Variants in OPHN1 observed in about 807,000 individuals in gnomAD.
OPHN1 encodes oligophrenin-1.
A neutral mutation model predicts 60.7 loss-of-function variants in OPHN1; 11 were observed. The ratio of observed to expected loss-of-function variants is 0.18; its 90% CI spans 0.11 to 0.30. The LOEUF is 0.30. Ranked by LOEUF, OPHN1 falls within the 10% of genes least tolerant of loss-of-function variation. The pLI, the probability that OPHN1 is intolerant of heterozygous loss-of-function variation, is 1.00. For missense variants in OPHN1, 449 were observed against 611.0 expected (o/e 0.73, Z 2.80); for synonymous variants, 226 against 222.6 (o/e 1.02, Z -0.14).
At chrX:68,222,022 C>G (rs1263080490) in intron 6 of OPHN1, among the ~76,000 whole-genome samples, 2 of 107,960 alleles carry the variant, frequency 1.9e-5, no homozygotes, top group Non-Finnish European at 3.8e-5. Flanking sequence ...TTTTCGCAAC[C>G]TACTCATCTG....
Position 68,420,841 on chromosome X carries a change from T to C in OPHN1, c.154+12026A>G, listed in dbSNP as rs1201690618. On this transcript the variant is annotated intron_variant, in intron 2 of 24. Coordinates refer to ENST00000355520, the MANE Select transcript of OPHN1 (RefSeq NM_002547.3). ...TTCTTTCACAAGCTGAAAGTGATTC[T>C]CAACAGAAAAAAAAAAAAAAAAAAA... Among the ~76,000 whole-genome samples the C allele has an allele frequency of 3.2e-5, 3 of 94,158 alleles. No individual in the cohort carries two copies. In the East Asian group the frequency reaches 1.1e-3, roughly 35 times the overall value. The allele number at this position is 94,158 out of a possible 115,157, so 81.8% of individuals were successfully genotyped here. A position where few individuals can be genotyped will look rare whatever the true frequency, so the allele number is the denominator to read the frequency against.
At chrX:68,225,230 G>A (rs1285577586) in intron 6 of OPHN1, among the ~76,000 whole-genome samples, 1 of 111,894 alleles carries the variant, frequency 8.9e-6, no homozygotes, top group Non-Finnish European at 1.9e-5. Context: ...TGGGAAGCTC[G>A]AATTGGGTGG....
At chrX:68,126,305 C>A (rs1172685956) in intron 15 of OPHN1, among the ~76,000 whole-genome samples, 2 of 110,907 alleles carry the variant, frequency 1.8e-5, no homozygotes, top group Non-Finnish European at 3.8e-5. Context: ...TGTTTAGGAT[C>A]CCTAATATTC....
At chrX:68,142,680 G>C (rs2077248287) in intron 15 of OPHN1, among the ~76,000 whole-genome samples, 1 of 112,112 alleles carries the variant, frequency 8.9e-6, no homozygotes, top group Non-Finnish European at 1.9e-5. Flanking sequence ...GGTGATTAGG[G>C]ATTATTTGCA....
chrX:68,169,344 G>A (rs1375187551), intron 15 of OPHN1, among the ~76,000 whole-genome samples: 1 of 111,300 alleles, frequency 9.0e-6, no homozygotes, highest in Non-Finnish European at 1.9e-5. Context: ...TTGTGAAAAT[G>A]GCCATACTGC....
intron 21 of OPHN1, among the ~76,000 whole-genome samples, chrX:68,057,245 C>T (rs1317862457): frequency 1.8e-5 from 2 of 111,536 alleles, no homozygotes; most frequent in Non-Finnish European, 3.8e-5. Flanking sequence ...CTCATACGTC[C>T]TAGTTTTATT....
intron 5 of OPHN1, among the ~76,000 whole-genome samples, chrX:68,242,574 T>C (rs916377933): frequency 1.8e-5 from 2 of 111,106 alleles, no homozygotes; most frequent in African/African-American, 3.3e-5. Flanking sequence ...CCAAAGTATA[T>C]ACCCAAAATA....
At chrX:68,229,898 C>A (rs372149398) in intron 6 of OPHN1, among the ~76,000 whole-genome samples, 19,099 of 109,082 alleles carry the variant, frequency 0.18, 1,599 homozygotes, top group African/African-American at 0.29. Context: ...GCAACAAAAG[C>A]CAAAATTGAC....
intron 2 of OPHN1, among the ~76,000 whole-genome samples, chrX:68,398,177 G>A (rs1206546272): frequency 8.9e-6 from 1 of 111,777 alleles, no homozygotes; most frequent in Non-Finnish European, 1.9e-5. Flanking sequence ...CTATTTGCTA[G>A]TATTTTGGGG....
At chrX:68,099,452 C>A (rs5965497) in intron 18 of OPHN1, among the ~76,000 whole-genome samples, 15 of 109,783 alleles carry the variant, frequency 1.4e-4, no homozygotes, top group Admixed American at 4.9e-4. Flanking sequence ...AGAAATGGGC[C>A]TGGTGAGAAG....
At chrX:68,194,544 A>G (rs1299599193) in intron 12 of OPHN1, 46 bp from the exon 13 acceptor site, 3 of 1,037,709 alleles carry the variant, frequency 2.9e-6, no homozygotes, top group East Asian at 3.0e-5. Flanking sequence ...TTGTCAATCA[A>G]TATAGGAAAA....
chrX:68,081,313 G>A (rs1272439460), intron 19 of OPHN1, among the ~76,000 whole-genome samples: 1 of 111,733 alleles, frequency 8.9e-6, no homozygotes, highest in Non-Finnish European at 1.9e-5. Context: ...AGTCAGTTGT[G>A]TTGGAGCTTT....
chrX:68,209,894 A>T (rs976180945), intron 9 of OPHN1, among the ~76,000 whole-genome samples: 2 of 111,890 alleles, frequency 1.8e-5, no homozygotes, highest in Non-Finnish European at 3.8e-5. Flanking sequence ...GAAGGATTAA[A>T]GAACAAATAA....
chrX:68,294,249 T>C (rs1039004170), intron 3 of OPHN1, among the ~76,000 whole-genome samples: 4 of 109,955 alleles, frequency 3.6e-5, no homozygotes, highest in African/African-American at 1.3e-4. Context: ...GGTAGGCGGA[T>C]TACCTGAGGT....
intron 15 of OPHN1, among the ~76,000 whole-genome samples, chrX:68,134,409 G>C (rs759202336): frequency 9.0e-6 from 1 of 111,559 alleles, no homozygotes; most frequent in African/African-American, 3.3e-5. Context: ...ATCTACAAAT[G>C]TGTGGTGAGA....
intron 2 of OPHN1, among the ~76,000 whole-genome samples, chrX:68,337,533 T>G (rs1016420982): frequency 9.0e-6 from 1 of 111,328 alleles, no homozygotes; most frequent in African/African-American, 3.3e-5. Context: ...TTTTGGTTTT[T>G]TTTCTAAAGA....
intron 19 of OPHN1, among the ~76,000 whole-genome samples, chrX:68,076,053 CAT>C (rs917069620): frequency 1.9e-4 from 21 of 110,008 alleles, no homozygotes; most frequent in Non-Finnish European, 5.7e-5. Context: ...ATTTGTAAAT[CAT>C]ATGTCTGATA....
intron 2 of OPHN1, among the ~76,000 whole-genome samples, chrX:68,333,503 C>T (rs2078305840): frequency 1.8e-5 from 2 of 110,266 alleles, no homozygotes; most frequent in Non-Finnish European, 3.8e-5. Flanking sequence ...GGCATGGTGG[C>T]ACATGCCTGT....
At chrX:68,168,701 T>C (rs9698450) in intron 15 of OPHN1, among the ~76,000 whole-genome samples, 35,761 of 107,696 alleles carry the variant, frequency 0.33, 5,146 homozygotes, top group African/African-American at 0.51. Flanking sequence ...TTCAAAAAAT[T>C]AACGAATCCA....
Sources: gnomAD v4.1 joint callset for allele counts (sites outside exome capture counted in the v4.1 genomes callset) on GRCh38, gnomAD v4.1.1 for gene constraint, MANE v1.5 for transcripts, NCBI Gene and HGNC (gene_info 2026-07-23, HGNC 2026-07-21) for gene names.